PCDH15: variants seen among roughly 807,000 people sequenced by gnomAD.
PCDH15 encodes protocadherin-15.
Under a neutral mutation model 178.5 loss-of-function variants are expected in PCDH15, and 129 were observed. That is an observed-to-expected ratio of 0.72 (90% confidence interval 0.63 to 0.84). The LOEUF (loss-of-function observed/expected upper bound fraction) is 0.84, where lower values mean the gene tolerates loss of function less well. Among genes scored for constraint, PCDH15 ranks in the 40% least tolerant of loss-of-function variants. The pLI is 0.00. For missense variants in PCDH15, 2,230 were observed against 2,099.9 expected, an observed-to-expected ratio of 1.06 and a Z score of -1.21; for synonymous variants, 800 against 732.0, an observed-to-expected ratio of 1.09 and a Z score of -1.50.
In PCDH15 at chr10:54,023,013, G is replaced by A. The variant is rs757459749; in HGVS notation, c.2405C>T (p.Thr802Ile). 8.7e-6 allele frequency: 14 copies of A among 1,613,970 alleles called. No individual in the cohort carries two copies. Among genetic ancestry groups the A allele is most frequent in the Non-Finnish European group, 1.1e-5 (13 of 1,179,902 alleles). Residue 802 changes from threonine (T) to isoleucine (I), a missense_variant, in exon 19 of 38, where the codon ACT (threonine) becomes ATT (isoleucine). Thr to Ile is a moderately conservative substitution (Grantham distance 89, BLOSUM62 -1). Transcript: ENST00000644397. ...TDGAVHPRHS[T>I]LTLAIKVLDI... Reference sequence around the variant, plus strand: ...CAAAACCTTGATGGCCAAGGTTAGAGTTGAATGACGAGGGTGTACTGCTCC... The same window carrying A: ...CAAAACCTTGATGGCCAAGGTTAGAATTGAATGACGAGGGTGTACTGCTCC...
At chr10:54,659,649 G>A (rs1438321977) in intron 2 of PCDH15, among the ~76,000 whole-genome samples, 5 of 151,622 alleles carry the variant, frequency 3.3e-5, no homozygotes, top group African/African-American at 1.2e-4. Flanking sequence ...AGCTACTCAG[G>A]AAACTGAGGC....
intron 2 of PCDH15, among the ~76,000 whole-genome samples, chr10:55,057,704 C>A (rs1841337934): frequency 6.6e-6 from 1 of 152,154 alleles, no homozygotes; most frequent in Admixed American, 6.6e-5. Context: ...GACTTAAAAC[C>A]TTGTCCTACC....
chr10:55,271,952 AG>A (rs1842456058), intron 1 of PCDH15, among the ~76,000 whole-genome samples: 1 of 152,156 alleles, frequency 6.6e-6, no homozygotes, highest in African/African-American at 2.4e-5. Flanking sequence ...TTTAGACAGG[AG>A]TGACATATGG....
chr10:54,340,434 A>G (rs1942015361), intron 6 of PCDH15, among the ~76,000 whole-genome samples: 1 of 152,190 alleles, frequency 6.6e-6, no homozygotes, highest in South Asian at 2.1e-4. Context: ...ATGAATCAAA[A>G]GAGAGGAAGA....
At chr10:54,462,222 G>A (rs1429497924) in intron 3 of PCDH15, among the ~76,000 whole-genome samples, 1 of 151,842 alleles carries the variant, frequency 6.6e-6, no homozygotes, top group African/African-American at 2.4e-5. Flanking sequence ...AGGACTTTCT[G>A]TAAAGTCGAT....
At chr10:54,848,542 C>T (rs1316761372) in intron 3 of PCDH15, among the ~76,000 whole-genome samples, 1 of 152,052 alleles carries the variant, frequency 6.6e-6, no homozygotes, top group East Asian at 1.9e-4. Context: ...TTGCAAGAGA[C>T]CCCACCAGCA....
At chr10:53,823,089 G>A (rs752088442) in intron 32 of PCDH15, 4 of 1,613,810 alleles carry the variant, frequency 2.5e-6, no homozygotes, top group Non-Finnish European at 3.4e-6. Context: ...TACAAAATCT[G>A]TTCTCTGTGA....
chr10:54,460,110 T>G (rs2136439589), intron 3 of PCDH15, among the ~76,000 whole-genome samples: 1 of 152,224 alleles, frequency 6.6e-6, no homozygotes, highest in East Asian at 1.9e-4. Context: ...AGAGATCAGT[T>G]GAACTAAAAC....
chr10:54,585,131 G>C (rs939002360), intron 2 of PCDH15, among the ~76,000 whole-genome samples: 4 of 151,708 alleles, frequency 2.6e-5, no homozygotes, highest in African/African-American at 7.3e-5. Context: ...GGCTCTTTAA[G>C]TCTCTTTAAA....
At chr10:55,040,090 TA>T (rs1262244604) in intron 2 of PCDH15, among the ~76,000 whole-genome samples, 1 of 152,070 alleles carries the variant, frequency 6.6e-6, no homozygotes, top group African/African-American at 2.4e-5. Context: ...TAAATACTCC[TA>T]ATAAGATCTC....
intron 2 of PCDH15, among the ~76,000 whole-genome samples, chr10:55,387,613 T>C (rs1441970654): frequency 6.6e-6 from 1 of 152,142 alleles, no homozygotes. Context: ...CACACACCTA[T>C]ACCTCTCTTG....
rs557773363 is a variant in PCDH15 at position 55,340,049 on chromosome 10, T to C, written c.-155-173398A>G. 2.0e-4 allele frequency among the ~76,000 whole-genome samples: 30 copies of C among 151,824 alleles called. No homozygotes were observed. The East Asian group carries it at 5.0e-3, about 25-fold the overall frequency. ...ACAAAAGTAACTCTCATTAATTGAA[T>C]TGTATATTTTTAAATTTCCATTTAG... On this transcript the variant is annotated intron_variant, in intron 2 of 5. Transcript: ENST00000613346.
intron 4 of PCDH15, among the ~76,000 whole-genome samples, chr10:54,371,212 G>GA (rs898459993): frequency 3.4e-4 from 52 of 151,298 alleles, no homozygotes; most frequent in Middle Eastern, 3.4e-3. Flanking sequence ...ATTTGTAATA[G>GA]AAAAAAAATC....
intron 1 of PCDH15, among the ~76,000 whole-genome samples, chr10:55,212,336 T>C (rs1055700568): frequency 3.3e-5 from 5 of 152,002 alleles, no homozygotes; most frequent in Non-Finnish European, 7.4e-5. Context: ...CTGCTTCATT[T>C]TACTGCAGAT....
At chr10:54,799,044 A>G (rs1952357715) in intron 1 of PCDH15, among the ~76,000 whole-genome samples, 1 of 152,110 alleles carries the variant, frequency 6.6e-6, no homozygotes, top group African/African-American at 2.4e-5. Context: ...CTAAGGAGTA[A>G]AAGTCCTCAT....
intron 2 of PCDH15, among the ~76,000 whole-genome samples, chr10:54,969,720 G>T (rs1196923675): frequency 1.3e-5 from 2 of 152,152 alleles, no homozygotes; most frequent in African/African-American, 4.8e-5. Context: ...TAGCTCAAAA[G>T]TATCTTCAGG....
chr10:55,339,711 T>C (rs6481157), intron 2 of PCDH15, among the ~76,000 whole-genome samples: 85,889 of 151,808 alleles, frequency 0.57, 24,912 homozygotes, highest in African/African-American at 0.69. Context: ...GTCCAGACTA[T>C]AAAATAGCAA....
At chr10:55,082,779 A>G (rs7895611) in intron 2 of PCDH15, among the ~76,000 whole-genome samples, 12,151 of 151,944 alleles carry the variant, frequency 0.08, 593 homozygotes, top group East Asian at 0.23. Context: ...ATGAGCAACT[A>G]TATGTCAATA....
At chr10:55,186,312 G>T in intron 1 of PCDH15, among the ~76,000 whole-genome samples, 1 of 150,784 alleles carries the variant, frequency 6.6e-6, no homozygotes, top group East Asian at 1.9e-4. Flanking sequence ...AAAACTTTTT[G>T]CTTTATGTAC....
Sources: gnomAD v4.1 joint callset for allele counts (sites outside exome capture counted in the v4.1 genomes callset) on GRCh38, gnomAD v4.1.1 for gene constraint, MANE v1.5 for transcripts, NCBI Gene and HGNC (gene_info 2026-07-23, HGNC 2026-07-21) for gene names.